CTNNA3: variants seen among roughly 807,000 people sequenced by gnomAD.
The protein encoded by CTNNA3 is catenin alpha 3.
CTNNA3 carries 76 observed loss-of-function variants against 95.7 expected under a neutral mutation model. The ratio of observed to expected loss-of-function variants is 0.79; its 90% CI spans 0.66 to 0.96. The LOEUF (loss-of-function observed/expected upper bound fraction) is 0.96, where lower values mean the gene tolerates loss of function less well. CTNNA3 is among the 40% of genes least tolerant of loss of function. The pLI, the probability that CTNNA3 is intolerant of heterozygous loss-of-function variation, is 0.00. For synonymous variants in CTNNA3, 431 were observed against 374.4 expected, an observed-to-expected ratio of 1.15 and a Z score of -1.74; for missense variants, 1,191 against 1,089.8, an observed-to-expected ratio of 1.09 and a Z score of -1.31.
chr10:66,150,597 C>A (rs981724959), intron 13 of CTNNA3, among the ~76,000 whole-genome samples: 1 of 151,644 alleles, frequency 6.6e-6, no homozygotes, highest in Non-Finnish European at 1.5e-5. Context: ...ATCAGGGTAA[C>A]TAAGATATCC....
intron 5 of CTNNA3, among the ~76,000 whole-genome samples, chr10:67,360,644 G>A (rs1259420389): frequency 2.0e-5 from 3 of 152,090 alleles, no homozygotes; most frequent in African/African-American, 7.2e-5. Flanking sequence ...CTGCTTCTGG[G>A]GAGGTCTCAG....
intron 12 of CTNNA3, among the ~76,000 whole-genome samples, chr10:66,314,955 T>G (rs1413150560): frequency 6.6e-6 from 1 of 152,098 alleles, no homozygotes; most frequent in Non-Finnish European, 1.5e-5. Context: ...TGACAGTTCT[T>G]AGAAAGAAAC....
At chr10:66,698,819 GA>G (rs1179123371) in intron 9 of CTNNA3, among the ~76,000 whole-genome samples, 1 of 152,038 alleles carries the variant, frequency 6.6e-6, no homozygotes, top group African/African-American at 2.4e-5. Flanking sequence ...CACAAGAGAT[GA>G]AACAAAACAT....
At chr10:67,424,845 T>C (rs995643935) in intron 5 of CTNNA3, among the ~76,000 whole-genome samples, 13 of 152,158 alleles carry the variant, frequency 8.5e-5, no homozygotes, top group Non-Finnish European at 1.5e-4. Context: ...TGGTCCATAG[T>C]TGGTGCTCAA....
chr10:66,624,296 T>C (rs547316408), intron 9 of CTNNA3, among the ~76,000 whole-genome samples: 3 of 152,144 alleles, frequency 2.0e-5, no homozygotes, highest in Non-Finnish European at 4.4e-5. Context: ...CTGGGATGCT[T>C]TGAGAATTAA....
rs182414113 is a variant in CTNNA3, at chr10:66,536,948, C to T, written c.1375-16175G>A. Among the ~76,000 whole-genome samples the T allele has an allele frequency of 5.7e-4, 87 of 151,708 alleles. 1 individual carries two copies. The highest frequency in any genetic ancestry group is 2.1e-3 in the African/African-American group (85 of 41,372). On this transcript the variant is annotated intron_variant, in intron 10 of 17. Coordinates refer to ENST00000433211, the MANE Select transcript of CTNNA3 (RefSeq NM_013266.4). ...TAAAATGTTTAAAGTGACATTTATG[C>T]GGTGAAAATAAGCTTCACTCTTCTG... is the stretch of plus-strand genomic sequence containing the variant.
At chr10:67,509,065 G>A (rs1421859556) in intron 5 of CTNNA3, among the ~76,000 whole-genome samples, 1 of 151,792 alleles carries the variant, frequency 6.6e-6, no homozygotes, top group African/African-American at 2.4e-5. Context: ...TAGTAGAGAC[G>A]GGGTTTCACC....
chr10:66,958,387 G>T (rs1227654729), intron 7 of CTNNA3, among the ~76,000 whole-genome samples: 2 of 147,576 alleles, frequency 1.4e-5, no homozygotes, highest in African/African-American at 5.0e-5. Context: ...TTAATAGAAA[G>T]CAGATTTAAA....
At chr10:67,730,903 T>C (rs996756183) in intron 1 of CTNNA3, among the ~76,000 whole-genome samples, 17 of 152,242 alleles carry the variant, frequency 1.1e-4, no homozygotes, top group African/African-American at 4.1e-4. Flanking sequence ...TAGCACAATA[T>C]GTGGCTTGGC....
At chr10:66,066,895 A>T (rs189068627) in intron 15 of CTNNA3, among the ~76,000 whole-genome samples, 1 of 152,070 alleles carries the variant, frequency 6.6e-6, no homozygotes, top group Admixed American at 6.6e-5. Context: ...ACTTGACTTT[A>T]TTTTCTATAG....
intron 7 of CTNNA3, among the ~76,000 whole-genome samples, chr10:67,178,644 T>TA (rs1401348915): frequency 6.6e-6 from 1 of 152,070 alleles, no homozygotes. Flanking sequence ...CTATAAAGAA[T>TA]AAAATAACTT....
At chr10:66,751,149 T>A (rs1009939326) in intron 9 of CTNNA3, among the ~76,000 whole-genome samples, 2 of 151,912 alleles carry the variant, frequency 1.3e-5, no homozygotes, top group African/African-American at 4.8e-5. Flanking sequence ...ATGCCTGTAA[T>A]CCCACCTACT....
intron 15 of CTNNA3, among the ~76,000 whole-genome samples, chr10:66,016,305 G>A (rs1369698459): frequency 6.6e-6 from 1 of 152,142 alleles, no homozygotes; most frequent in African/African-American, 2.4e-5. Flanking sequence ...TGCAGACTGG[G>A]AGCAAAACCC....
In CTNNA3 at chr10:67,143,425, T is replaced by TAAAAAAAAAAAAAAAAAAAAAAAAAAAAA. The variant is rs61603392; in HGVS notation, c.1047+36891_1047+36892insTTTTTTTTTTTTTTTTTTTTTTTTTTTTT. On this transcript the variant is annotated intron_variant, in intron 7 of 17. Transcript: ENST00000433211. ...TGGGTGACTGAGCAAGGCTCTGTCT[T>TAAAAAAAAAAAAAAAAAAAAAAAAAAAAA]AAAAAAAAAAAAAAAAAAAAAATTA... 4.9e-4 allele frequency among the ~76,000 whole-genome samples: 37 copies of TAAAAAAAAAAAAAAAAAAAAAAAAAAAAA among 75,960 alleles called. 2 individuals are homozygous for TAAAAAAAAAAAAAAAAAAAAAAAAAAAAA. The Middle Eastern group carries it at 0.033, about 68-fold the overall frequency. The allele number at this position is 75,960 out of a possible 152,430, so 49.8% of individuals were successfully genotyped here.
intron 9 of CTNNA3, among the ~76,000 whole-genome samples, chr10:66,730,580 A>AG (rs1192276451): frequency 7.2e-5 from 11 of 152,172 alleles, no homozygotes; most frequent in Non-Finnish European, 1.5e-4. Context: ...ACAAACCTAT[A>AG]CATTTTGCAC....
At chr10:66,897,670 A>G (rs528796847) in intron 7 of CTNNA3, among the ~76,000 whole-genome samples, 1 of 152,308 alleles carries the variant, frequency 6.6e-6, no homozygotes, top group South Asian at 2.1e-4. Flanking sequence ...CTCTTAGAAT[A>G]CTATTAAATT....
At chr10:66,542,735 T>C (rs112552303) in intron 10 of CTNNA3, among the ~76,000 whole-genome samples, 1,350 of 111,178 alleles carry the variant, frequency 0.012, 27 homozygotes, top group African/African-American at 0.044. Flanking sequence ...TCAGGGCCTG[T>C]TGTGGGGTTG....
intron 9 of CTNNA3, among the ~76,000 whole-genome samples, chr10:66,703,512 G>T (rs1848020596): frequency 6.6e-6 from 1 of 152,142 alleles, no homozygotes; most frequent in African/African-American, 2.4e-5. Flanking sequence ...TCTAACAGTT[G>T]TCATCCAATC....
intron 5 of CTNNA3, among the ~76,000 whole-genome samples, chr10:67,409,434 A>G (rs1169562474): frequency 6.6e-6 from 1 of 152,198 alleles, no homozygotes; most frequent in Non-Finnish European, 1.5e-5. Context: ...TGTCCTTTGC[A>G]GGAACATGGA....
Sources: allele counts gnomAD v4.1 joint callset (sites outside exome capture counted in the v4.1 genomes callset), GRCh38; gene constraint gnomAD v4.1.1; transcripts MANE v1.5; gene names NCBI Gene and HGNC (gene_info 2026-07-23, HGNC 2026-07-21).